CRYBG3: variants seen among roughly 807,000 people sequenced by gnomAD.
CRYBG3 encodes crystallin beta-gamma domain containing 3, also known as very large A-kinase anchor protein.
Under a neutral mutation model 244.2 loss-of-function variants are expected in CRYBG3, and 127 were observed. That is an observed-to-expected ratio of 0.52 (90% confidence interval 0.45 to 0.60). The LOEUF is 0.60. Ranked by LOEUF, CRYBG3 falls within the 20% of genes least tolerant of loss-of-function variation. The pLI is 0.00. For missense variants in CRYBG3, 3,325 were observed against 3,442.5 expected (o/e 0.97, Z 0.85); for synonymous variants, 1,132 against 1,195.8 (o/e 0.95, Z 1.10).
intron 1 of CRYBG3, among the ~76,000 whole-genome samples, chr3:97,829,314 A>G (rs186186101): frequency 1.3e-5 from 2 of 152,338 alleles, no homozygotes; most frequent in East Asian, 1.9e-4. Context: ...AGACTTTTCT[A>G]TATTATTAAT....
chr3:97,938,684 A>G (rs2040190386), intron 19 of CRYBG3, among the ~76,000 whole-genome samples: 1 of 152,110 alleles, frequency 6.6e-6, no homozygotes, highest in East Asian at 1.9e-4. Context: ...TGAAGCAGTG[A>G]TCACATTGCT....
intron 15 of CRYBG3, among the ~76,000 whole-genome samples, chr3:97,910,380 C>T (rs923093531): frequency 6.6e-5 from 10 of 152,208 alleles, no homozygotes; most frequent in African/African-American, 2.4e-4. Flanking sequence ...TCTCAGACTG[C>T]TGTGCTAGCA....
intron 17 of CRYBG3, among the ~76,000 whole-genome samples, chr3:97,930,228 T>A (rs1428016722): frequency 6.6e-6 from 1 of 152,054 alleles, no homozygotes; most frequent in Non-Finnish European, 1.5e-5. Context: ...ATTGTTGACT[T>A]GGAGCACTGG....
At chr3:97,937,819 A>G (rs1162246234) in intron 19 of CRYBG3, among the ~76,000 whole-genome samples, 4 of 152,126 alleles carry the variant, frequency 2.6e-5, no homozygotes, top group Non-Finnish European at 5.9e-5. Flanking sequence ...TGGATGGATC[A>G]ATGATATTAT....
At chr3:97,890,110 A>G (rs2039558330) in intron 10 of CRYBG3, among the ~76,000 whole-genome samples, 1 of 152,182 alleles carries the variant, frequency 6.6e-6, no homozygotes, top group Non-Finnish European at 1.5e-5. Flanking sequence ...TTTCTGATTT[A>G]TGGAACTGAC....
chr3:97,926,334 A>G (rs2040040425), intron 17 of CRYBG3, among the ~76,000 whole-genome samples: 1 of 152,116 alleles, frequency 6.6e-6, no homozygotes. Flanking sequence ...AATTATCTCA[A>G]TAGATGCAGA....
Position 97,864,477 on chromosome 3 carries a change from C to T in CRYBG3, c.477C>T (p.Pro159=), listed in dbSNP as rs1216209886. 1 of 1,535,908 alleles carries T rather than the reference C, an allele frequency of 6.5e-7. No individual in the cohort carries two copies. Among genetic ancestry groups the T allele is most frequent in the East Asian group, 2.4e-5 (1 of 40,890 alleles). ...AAACTGAGAAGGATTTACAAAATCC[C>T]AGTGACCATCATGAAGACGGGATCA... ...QDKTEKDLQN[P]SDHHEDGIKR... The change falls in exon 3 of 22, where the codon CCC becomes CCT. Residue 159 remains proline (P), a synonymous_variant. Transcript: ENST00000389622.
At chr3:97,921,124 T>C (rs2039980396) in intron 17 of CRYBG3, among the ~76,000 whole-genome samples, 1 of 145,246 alleles carries the variant, frequency 6.9e-6, no homozygotes, top group South Asian at 2.4e-4. Flanking sequence ...CTTTCTCTAT[T>C]TTGTGTTTTT....
Position 97,832,982 on chromosome 3 carries a change from C to T in CRYBG3, c.150-10213C>T, listed in dbSNP as rs1462840450. Among the ~76,000 whole-genome samples, 3 of 152,270 alleles carry T rather than the reference C, an allele frequency of 2.0e-5. No homozygotes were observed. The South Asian group carries it at 6.2e-4, about 32-fold the overall frequency. On this transcript the variant is annotated intron_variant, in intron 1 of 21. Transcript: ENST00000389622. Reference sequence around the variant, plus strand: ...TGAAAAAAAGCTCATCATCACTGGTCATTAGAGAAATGCAAATCAAAACCA... The same window carrying T: ...TGAAAAAAAGCTCATCATCACTGGTTATTAGAGAAATGCAAATCAAAACCA...
At chr3:97,849,803 C>G (rs1338668988) in intron 2 of CRYBG3, among the ~76,000 whole-genome samples, 3 of 152,180 alleles carry the variant, frequency 2.0e-5, no homozygotes, top group African/African-American at 7.2e-5. Flanking sequence ...CCAGAAAGCT[C>G]TCAGAGAATC....
intron 2 of CRYBG3, among the ~76,000 whole-genome samples, chr3:97,844,202 A>T (rs1387070722): frequency 6.6e-6 from 1 of 152,168 alleles, no homozygotes; most frequent in Non-Finnish European, 1.5e-5. Flanking sequence ...AAAAATGAAG[A>T]TCACCTTGCT....
rs2039396932 is a variant in CRYBG3 at position 97,877,667 on chromosome 3, T to C, written c.6473T>C (p.Leu2158Ser). 2 of 1,613,976 alleles carry C rather than the reference T, an allele frequency of 1.2e-6. No homozygotes were observed. The highest frequency in any genetic ancestry group is 1.3e-5 in the African/African-American group (1 of 74,894). ...EEEEEEEAAV[L>S]HKGDLRAGSG... ...GAAGAGGAGGAGGAGGCAGCAGTATTGCATAAAGGAGATCTGAGAGCTGGA... is the reference window on the plus strand; with the variant it reads ...GAAGAGGAGGAGGAGGCAGCAGTATCGCATAAAGGAGATCTGAGAGCTGGA... Residue 2158 changes from leucine (L) to serine (S), a missense_variant, in exon 4 of 22, where the codon TTG (leucine) becomes TCG (serine). Leu to Ser is a moderately radical substitution (Grantham distance 145). Transcript: ENST00000389622.
chr3:97,895,082 G>C (rs1427004264), intron 11 of CRYBG3, among the ~76,000 whole-genome samples: 1 of 152,108 alleles, frequency 6.6e-6, no homozygotes, highest in East Asian at 1.9e-4. Flanking sequence ...ATTTTGTCAA[G>C]CTCCTGAATT....
rs1027758421 is a variant in CRYBG3 at position 97,873,679 on chromosome 3, C to T, written c.2485C>T (p.His829Tyr). 1 of 1,535,792 alleles carries T rather than the reference C, an allele frequency of 6.5e-7. No homozygotes were observed. Among genetic ancestry groups the T allele is most frequent in the South Asian group, 1.2e-5 (1 of 84,004 alleles). The change falls in exon 4 of 22, where the codon CAT becomes TAT. Residue 829 changes from histidine to tyrosine, a missense_variant. His to Tyr is a moderately conservative substitution (Grantham distance 83). Coordinates refer to ENST00000389622, the MANE Select transcript of CRYBG3 (RefSeq NM_153605.4). The part of the protein sequence containing the change: ...DGQNNVLVES[H>Y]SGRGKTISLS... Reference sequence around the variant, plus strand: ...TCAGAACAATGTTCTTGTGGAGTCACATTCTGGAAGAGGAAAAACTATATC... The same window carrying T: ...TCAGAACAATGTTCTTGTGGAGTCATATTCTGGAAGAGGAAAAACTATATC...
intron 17 of CRYBG3, among the ~76,000 whole-genome samples, chr3:97,923,051 A>C (rs1450416205): frequency 6.6e-6 from 1 of 152,316 alleles, no homozygotes; most frequent in Admixed American, 6.5e-5. Context: ...ACATGGATGA[A>C]GCTGGAAACC....
At chr3:97,893,655 A>G (rs565236562) in intron 11 of CRYBG3, among the ~76,000 whole-genome samples, 3 of 152,218 alleles carry the variant, frequency 2.0e-5, no homozygotes, top group Non-Finnish European at 4.4e-5. Flanking sequence ...ATCATTGTCA[A>G]CCCAATGCTG....
chr3:97,941,343 G>T, intron 20 of CRYBG3, 37 bp downstream of exon 20: 1 of 1,486,474 alleles, frequency 6.7e-7, no homozygotes, highest in Middle Eastern at 1.8e-4. Context: ...CCACTTTCTG[G>T]TCTGTTTTTT....
chr3:97,827,792 C>G (rs939562405), intron 1 of CRYBG3, among the ~76,000 whole-genome samples: 10 of 152,110 alleles, frequency 6.6e-5, no homozygotes, highest in Admixed American at 6.5e-4. Context: ...TCAAAAGTCT[C>G]ACAATATTGG....
intron 2 of CRYBG3, among the ~76,000 whole-genome samples, chr3:97,860,545 G>A (rs2039131063): frequency 6.6e-6 from 1 of 152,134 alleles, no homozygotes; most frequent in African/African-American, 2.4e-5. Context: ...TAGGTATCTG[G>A]GGGATGAATA....
Sources: allele counts gnomAD v4.1 joint callset (sites outside exome capture counted in the v4.1 genomes callset), GRCh38; gene constraint gnomAD v4.1.1; transcripts MANE v1.5; gene names NCBI Gene and HGNC (gene_info 2026-07-23, HGNC 2026-07-21).